The following GNB4 variants were observed in gnomAD, a reference collection of about 807,000 sequenced individuals.
GNB4 encodes guanine nucleotide-binding protein subunit beta-4.
Under a neutral mutation model 45.2 loss-of-function variants are expected in GNB4, and 28 were observed. The ratio of observed to expected loss-of-function variants is 0.62; its 90% CI spans 0.46 to 0.85. The LOEUF is 0.85. Ranked by LOEUF, GNB4 falls within the 40% of genes least tolerant of loss-of-function variation. The pLI, the probability that GNB4 is intolerant of heterozygous loss-of-function variation, is 0.00. For missense variants in GNB4, 321 were observed against 425.4 expected (o/e 0.75, Z 2.16); for synonymous variants, 132 against 143.7 (o/e 0.92, Z 0.58).
the GNB4 span, among the ~76,000 whole-genome samples, chr3:179,468,215 A>G: frequency 6.6e-6 from 1 of 150,698 alleles, no homozygotes; most frequent in African/African-American, 2.4e-5. Context: ...CAAAAACAAG[A>G]CCTGGCGCAG....
rs1478286457 is a variant in GNB4 at position 179,399,530 on chromosome 3, A to C, written c.*1683T>G. 1.3e-5 allele frequency: 2 copies of C among 152,186 alleles called. No individual in the cohort carries two copies. Among genetic ancestry groups the C allele is most frequent in the Non-Finnish European group, 2.9e-5 (2 of 68,012 alleles). The allele number at this position is 152,186 out of a possible 1,614,324, so 9.4% of individuals were successfully genotyped here. A position where few individuals can be genotyped will look rare whatever the true frequency, so the allele number is the denominator to read the frequency against. On this transcript the variant is annotated 3_prime_UTR_variant, in exon 10 of 10. Coordinates refer to ENST00000232564, the MANE Select transcript of GNB4 (RefSeq NM_021629.4). ...AAAGTTAATAGAAATCTTAATCAAA[A>C]TATAAATATACATTCATAACTGCCA...
chr3:179,501,161 C>A, the GNB4 span, among the ~76,000 whole-genome samples: 1 of 152,170 alleles, frequency 6.6e-6, no homozygotes, highest in African/African-American at 2.4e-5. Context: ...GTCTACCATG[C>A]TGTCAGCTTC....
chr3:179,428,891 A>T (rs777363869), intron 1 of GNB4, among the ~76,000 whole-genome samples: 1 of 152,180 alleles, frequency 6.6e-6, no homozygotes, highest in African/African-American at 2.4e-5. Flanking sequence ...CTGTAATAAG[A>T]GTTACTTGGG....
chr3:179,454,159 T>C (rs1318946484), upstream of GNB4, among the ~76,000 whole-genome samples: 1 of 152,236 alleles, frequency 6.6e-6, no homozygotes, highest in East Asian at 1.9e-4. Flanking sequence ...ATCTTTTGTT[T>C]GGGTGCCACT....
intron 8 of GNB4, among the ~76,000 whole-genome samples, chr3:179,412,637 A>T (rs1714683739): frequency 6.6e-6 from 1 of 152,200 alleles, no homozygotes; most frequent in Non-Finnish European, 1.5e-5. Context: ...AGTTTCACAC[A>T]GGTGCTTAAT....
the GNB4 span, among the ~76,000 whole-genome samples, chr3:179,519,642 A>T: frequency 6.6e-6 from 1 of 152,054 alleles, no homozygotes; most frequent in Non-Finnish European, 1.5e-5. Context: ...TAACTAAATG[A>T]TCTGCTTCCC....
the GNB4 span, among the ~76,000 whole-genome samples, chr3:179,511,869 C>T: frequency 6.6e-6 from 1 of 152,104 alleles, no homozygotes; most frequent in Non-Finnish European, 1.5e-5. Flanking sequence ...TAGAATTTTT[C>T]ATGAAAATAG....
the GNB4 span, among the ~76,000 whole-genome samples, chr3:179,514,547 G>A: frequency 1.0e-3 from 154 of 152,300 alleles, no homozygotes; most frequent in African/African-American, 3.5e-3. Context: ...AATCTCCAAT[G>A]TACCCGTATT....
chr3:179,425,714 A>G (rs1005350795), intron 2 of GNB4, among the ~76,000 whole-genome samples: 27 of 152,012 alleles, frequency 1.8e-4, no homozygotes, highest in Non-Finnish European at 1.5e-4. Flanking sequence ...CAGGTGATCC[A>G]CCTGCCTCAG....
chr3:179,408,827 A>G (rs1714556224), intron 8 of GNB4, among the ~76,000 whole-genome samples: 1 of 150,822 alleles, frequency 6.6e-6, no homozygotes, highest in Non-Finnish European at 1.5e-5. Flanking sequence ...AAAAAAAAAA[A>G]GAAACTCATA....
At chr3:179,514,976 C>T in the GNB4 span, among the ~76,000 whole-genome samples, 1 of 152,160 alleles carries the variant, frequency 6.6e-6, no homozygotes, top group African/African-American at 2.4e-5. Flanking sequence ...CCTTTGTGTT[C>T]TTTCCTTCTC....
At chr3:179,453,849 G>GAA (rs879792473), upstream of GNB4, among the ~76,000 whole-genome samples, 230 of 134,804 alleles carry the variant, frequency 1.7e-3, no homozygotes, top group African/African-American at 4.5e-3. Context: ...TATTGTTCTG[G>GAA]AAAAAAAAAA....
At chr3:179,518,377 C>T in the GNB4 span, among the ~76,000 whole-genome samples, 1 of 152,124 alleles carries the variant, frequency 6.6e-6, no homozygotes, top group Admixed American at 6.5e-5. Context: ...AGTCTCTGTT[C>T]CCAATGCAAC....
the GNB4 span, among the ~76,000 whole-genome samples, chr3:179,460,209 C>A: frequency 6.6e-6 from 1 of 152,136 alleles, no homozygotes; most frequent in Non-Finnish European, 1.5e-5. Context: ...CATGGACGTT[C>A]TCATTGCAAA....
At chr3:179,504,425 T>C in the GNB4 span, among the ~76,000 whole-genome samples, 17 of 152,334 alleles carry the variant, frequency 1.1e-4, 1 homozygote, top group South Asian at 1.2e-3. Context: ...GTGAAACTCT[T>C]TGTGACTCTA....
chr3:179,405,396 T>C lies in GNB4; in HGVS notation c.710A>G (p.Asn237Ser), dbSNP rs1409944947. 3.7e-6 allele frequency: 6 copies of C among 1,609,360 alleles called. No homozygotes were observed. Among genetic ancestry groups the C allele is most frequent in the Non-Finnish European group, 5.1e-6 (6 of 1,176,882 alleles). ...SDINAVSFFP[N>S]GYAFATGSDD... ...AGAGCCAGTGGCGAAGGCATATCCA[T>C]TTGGGAAAAACTAGACAGGAAAGTA... Residue 237 changes from asparagine (N) to serine (S), a missense_variant, in exon 9 of 10, where the codon AAT becomes AGT. Transcript: ENST00000232564.
the GNB4 span, among the ~76,000 whole-genome samples, chr3:179,498,749 G>GTT: frequency 3.7e-3 from 488 of 130,794 alleles, 3 homozygotes; most frequent in African/African-American, 0.012. Context: ...TTGAGGTTTG[G>GTT]TTTTTTTTTT....
the GNB4 span, among the ~76,000 whole-genome samples, chr3:179,509,840 C>T: frequency 1.3e-5 from 2 of 152,090 alleles, no homozygotes; most frequent in Non-Finnish European, 2.9e-5. Flanking sequence ...ACTTCAGAGA[C>T]AGGGCCTCGC....
At position 179,447,700 on chromosome 3, in the gene GNB4, G is replaced by A. The variant is rs144030150; in HGVS notation, c.-43+3646C>T. ...TACAGTTTGACACCAGGGTGGTGGT[G>A]GTGGCAGTGCAGGTGATAGGAATGG... On this transcript the variant is annotated intron_variant, in intron 1 of 9. Coordinates refer to ENST00000232564, the MANE Select transcript of GNB4 (RefSeq NM_021629.4). Among the ~76,000 whole-genome samples the A allele has an allele frequency of 5.9e-4, 90 of 152,240 alleles. 2 individuals are homozygous for A. The highest frequency in any genetic ancestry group is 6.8e-3 in the Middle Eastern group (2 of 294).
Sources: allele counts gnomAD v4.1 joint callset (sites outside exome capture counted in the v4.1 genomes callset), GRCh38; gene constraint gnomAD v4.1.1; transcripts MANE v1.5; gene names NCBI Gene and HGNC (gene_info 2026-07-23, HGNC 2026-07-21).